The following FNDC3A variants were observed in gnomAD, a reference collection of about 807,000 sequenced individuals.
FNDC3A encodes the protein fibronectin type III domain containing 3A.
Under a neutral mutation model 148.9 loss-of-function variants are expected in FNDC3A, and 32 were observed. That is an observed-to-expected ratio of 0.21 (90% confidence interval 0.16 to 0.29). The LOEUF (loss-of-function observed/expected upper bound fraction) is 0.29, where lower values mean the gene tolerates loss of function less well. FNDC3A is among the 10% of genes least tolerant of loss of function. FNDC3A has a pLI of 1.00. For synonymous variants in FNDC3A, 472 were observed against 473.6 expected (o/e 1.00, Z 0.04); for missense variants, 1,191 against 1,452.8 (o/e 0.82, Z 2.93).
Position 49,207,368 on chromosome 13 carries a change from T to C in FNDC3A, c.3570T>C (p.Phe1190=), listed in dbSNP as rs1886700058. ...CTTTCTTTTCCATTTTGATTGCCTT[T>C]ATCATTCAGTACTTTGTAATCAAGT... ...LFAFFSILIA[F]IIQYFVIK Residue 1190 remains phenylalanine, a synonymous_variant, in exon 26 of 26, where the codon TTT becomes TTC. Transcript: ENST00000492622. The C allele has an allele frequency of 6.2e-7, 1 of 1,608,098 alleles. No homozygotes were observed. Among genetic ancestry groups the C allele is most frequent in the African/African-American group, 1.3e-5 (1 of 74,956 alleles).
At chr13:49,055,138 C>G (rs1050821118) in intron 2 of FNDC3A, among the ~76,000 whole-genome samples, 3 of 151,516 alleles carry the variant, frequency 2.0e-5, no homozygotes, top group Non-Finnish European at 4.4e-5. Context: ...GGGTCTCACT[C>G]TGTTGCCCAG....
At chr13:49,018,609 G>T (rs1284614395) in intron 2 of FNDC3A, among the ~76,000 whole-genome samples, 3 of 152,298 alleles carry the variant, frequency 2.0e-5, no homozygotes, top group African/African-American at 7.2e-5. Context: ...GCTCGTCAAA[G>T]TCATTCTCTG....
intron 3 of FNDC3A, among the ~76,000 whole-genome samples, chr13:49,092,304 C>A (rs1016372228): frequency 6.6e-5 from 10 of 152,228 alleles, no homozygotes; most frequent in Non-Finnish European, 1.0e-4. Context: ...GTGTTGCCTC[C>A]AAAATCCAGT....
intron 8 of FNDC3A, 81 bp downstream of exon 8, chr13:49,146,016 C>G: frequency 9.8e-7 from 1 of 1,023,926 alleles, no homozygotes. Flanking sequence ...TTTTGCTCTA[C>G]TTTTCCTTCT....
chr13:49,180,259 A>C (rs1885237759), intron 14 of FNDC3A, among the ~76,000 whole-genome samples: 1 of 152,222 alleles, frequency 6.6e-6, no homozygotes, highest in Non-Finnish European at 1.5e-5. Context: ...TATTTAATCA[A>C]ACCATTTCAA....
chr13:48,976,909 A>G (rs995102734), intron 1 of FNDC3A: 2 of 152,216 alleles, frequency 1.3e-5, no homozygotes, highest in African/African-American at 4.8e-5. Flanking sequence ...AAACGACGTC[A>G]TGTGTTAGGT....
intron 2 of FNDC3A, among the ~76,000 whole-genome samples, chr13:49,065,456 T>C (rs958324147): frequency 6.6e-6 from 1 of 152,222 alleles, no homozygotes; most frequent in African/African-American, 2.4e-5. Context: ...GTTACATACC[T>C]ATTTATCTGT....
rs1326371172 is a variant in FNDC3A, at chr13:49,136,231, A to G, written c.491-101A>G. The stretch of plus-strand genomic sequence containing the variant: ...TGCAAAATTCTTTTAAATATTTTAT[A>G]AAAGTTTTATATGATAGATTTATTT... On this transcript the variant is annotated intron_variant, in intron 5 of 25. Transcript: ENST00000492622. The G allele has an allele frequency of 7.8e-6, 8 of 1,022,182 alleles. No homozygotes were observed. The Admixed American group carries it at 9.0e-5, about 11-fold the overall frequency. The allele number at this position is 1,022,182 out of a possible 1,614,324, so 63.3% of individuals were successfully genotyped here. A position where few individuals can be genotyped will look rare whatever the true frequency, so the allele number is the denominator to read the frequency against.
intron 3 of FNDC3A, among the ~76,000 whole-genome samples, chr13:49,088,639 A>G (rs1001842231): frequency 6.6e-6 from 1 of 152,132 alleles, no homozygotes; most frequent in African/African-American, 2.4e-5. Context: ...TTCTTCTTGG[A>G]CACTGTTCTC....
At chr13:49,161,469 C>T (rs552194608) in intron 8 of FNDC3A, among the ~76,000 whole-genome samples, 63 of 152,148 alleles carry the variant, frequency 4.1e-4, no homozygotes, top group African/African-American at 1.4e-3. Flanking sequence ...TTCCTCCATC[C>T]CTTTATTTTG....
At chr13:49,036,157 A>C (rs902179670) in intron 2 of FNDC3A, among the ~76,000 whole-genome samples, 4 of 152,170 alleles carry the variant, frequency 2.6e-5, no homozygotes, top group South Asian at 2.1e-4. Context: ...AATTAGTTCA[A>C]ATTTAGACAT....
intron 1 of FNDC3A, among the ~76,000 whole-genome samples, chr13:48,995,195 G>A (rs1020428983): frequency 2.6e-5 from 4 of 152,092 alleles, no homozygotes; most frequent in Admixed American, 6.5e-5. Context: ...GATTACAGTC[G>A]TGAGCCACTG....
At chr13:49,110,280 C>G (rs1880472288) in intron 3 of FNDC3A, 1 of 1,448,616 alleles carries the variant, frequency 6.9e-7, no homozygotes, top group Admixed American at 2.4e-5. Flanking sequence ...GTCAAAGGAT[C>G]TTTTCCTCTT....
chr13:49,179,711 T>C (rs980615635), intron 14 of FNDC3A, among the ~76,000 whole-genome samples: 1 of 152,210 alleles, frequency 6.6e-6, no homozygotes, highest in Non-Finnish European at 1.5e-5. Flanking sequence ...AGGCTCAAAT[T>C]GTCCCAGATT....
intron 1 of FNDC3A, among the ~76,000 whole-genome samples, chr13:48,979,398 G>C (rs1332132165): frequency 6.6e-6 from 1 of 152,142 alleles, no homozygotes; most frequent in Non-Finnish European, 1.5e-5. Flanking sequence ...GGCATTTGGA[G>C]GGAGTCAGAG....
intron 2 of FNDC3A, among the ~76,000 whole-genome samples, chr13:49,072,828 A>G (rs1877790917): frequency 6.8e-6 from 1 of 146,942 alleles, no homozygotes; most frequent in African/African-American, 2.5e-5. Flanking sequence ...CTACACCTTT[A>G]CTAAATTTGT....
chr13:49,081,297 A>C (rs911704640), intron 3 of FNDC3A, among the ~76,000 whole-genome samples: 1 of 152,224 alleles, frequency 6.6e-6, no homozygotes, highest in African/African-American at 2.4e-5. Context: ...GAAAAGCAAA[A>C]AATACACAGA....
chr13:49,058,255 G>A (rs774729174), intron 2 of FNDC3A, among the ~76,000 whole-genome samples: 14 of 152,118 alleles, frequency 9.2e-5, no homozygotes, highest in Non-Finnish European at 1.9e-4. Context: ...CAAGCAGGAG[G>A]TATGTGACTG....
intron 1 of FNDC3A, among the ~76,000 whole-genome samples, chr13:49,005,051 ATAAT>A (rs915401254): frequency 4.1e-4 from 63 of 152,016 alleles, no homozygotes; most frequent in African/African-American, 1.4e-3. Context: ...TTTTCATGAG[ATAAT>A]TAAATAATAT....
Sources: gnomAD v4.1 joint callset for allele counts (sites outside exome capture counted in the v4.1 genomes callset) on GRCh38, gnomAD v4.1.1 for gene constraint, MANE v1.5 for transcripts, NCBI Gene and HGNC (gene_info 2026-07-23, HGNC 2026-07-21) for gene names.